Variants in TBC1D22A observed in about 807,000 individuals in gnomAD.
The protein encoded by TBC1D22A is putative GTPase activator.
A neutral mutation model predicts 60.2 loss-of-function variants in TBC1D22A; 38 were observed. That is an observed-to-expected ratio of 0.63 (90% CI 0.49 to 0.83). TBC1D22A has a LOEUF of 0.83. TBC1D22A is among the 40% of genes least tolerant of loss of function. The pLI is 0.00. For synonymous variants in TBC1D22A, 302 were observed against 281.7 expected (o/e 1.07, Z -0.72); for missense variants, 628 against 701.0 (o/e 0.90, Z 1.18).
At chr22:47,093,858 C>G (rs2065073881) in intron 11 of TBC1D22A, among the ~76,000 whole-genome samples, 1 of 152,220 alleles carries the variant, frequency 6.6e-6, no homozygotes, top group Admixed American at 6.5e-5. Flanking sequence ...GGGGTTCTGT[C>G]TGGGTCCTGC....
intron 4 of TBC1D22A, among the ~76,000 whole-genome samples, chr22:46,855,742 G>T (rs1203888026): frequency 6.6e-6 from 1 of 152,168 alleles, no homozygotes; most frequent in South Asian, 2.1e-4. Context: ...CAGCCGGGGG[G>T]GTTGATGGTC....
At chr22:47,146,549 C>T (rs1159501527) in intron 12 of TBC1D22A, among the ~76,000 whole-genome samples, 1 of 152,242 alleles carries the variant, frequency 6.6e-6, no homozygotes, top group African/African-American at 2.4e-5. Flanking sequence ...ACTCAATCTC[C>T]ACCCCAGGCA....
intron 4 of TBC1D22A, among the ~76,000 whole-genome samples, chr22:46,815,079 A>T (rs1361375000): frequency 2.6e-5 from 4 of 152,232 alleles, no homozygotes; most frequent in Non-Finnish European, 5.9e-5. Flanking sequence ...TAGGTGAAAC[A>T]TTTCTGAAGA....
rs188009809 is a variant in TBC1D22A at position 47,162,242 on chromosome 22, G to A, written c.1426-11256G>A. On this transcript the variant is annotated intron_variant, in intron 12 of 12. Transcript: ENST00000337137. ...TAAGGTTTTGTGTATTGAACTTACC[G>A]GTCTTGTATTCCTCCTGGACTGGGA... 6.8e-4 allele frequency among the ~76,000 whole-genome samples: 103 copies of A among 150,368 alleles called. 1 individual carries two copies. Among genetic ancestry groups the A allele is most frequent in the African/African-American group, 2.2e-3 (91 of 40,946 alleles).
At chr22:46,818,854 T>C (rs150589949) in intron 4 of TBC1D22A, among the ~76,000 whole-genome samples, 32 of 151,768 alleles carry the variant, frequency 2.1e-4, no homozygotes, top group Admixed American at 2.1e-3. Flanking sequence ...ATGTTGATTC[T>C]TCCCATTGAT....
chr22:47,025,846 T>G (rs1278270107), intron 10 of TBC1D22A, among the ~76,000 whole-genome samples: 1 of 151,396 alleles, frequency 6.6e-6, no homozygotes, highest in Non-Finnish European at 1.5e-5. Context: ...TAAGAGGGAA[T>G]TGGATAGTAC....
intron 8 of TBC1D22A, among the ~76,000 whole-genome samples, chr22:46,936,764 C>G (rs1357135428): frequency 6.6e-6 from 1 of 152,240 alleles, no homozygotes; most frequent in Non-Finnish European, 1.5e-5. Flanking sequence ...ATTTACCAGG[C>G]TGGCAAGGAG....
intron 4 of TBC1D22A, among the ~76,000 whole-genome samples, chr22:46,860,983 A>ATGT (rs1555914625): frequency 8.8e-6 from 1 of 113,778 alleles, no homozygotes; most frequent in African/African-American, 4.1e-5. Context: ...TAATAAATTA[A>ATGT]TTTTTTTTTA....
At chr22:47,151,411 A>G (rs1455343167) in intron 12 of TBC1D22A, among the ~76,000 whole-genome samples, 2 of 152,200 alleles carry the variant, frequency 1.3e-5, no homozygotes, top group East Asian at 3.9e-4. Context: ...GACTTGAACA[A>G]CTCGGGAAAT....
At chr22:47,170,521 A>T (rs927672581) in intron 12 of TBC1D22A, among the ~76,000 whole-genome samples, 12 of 152,214 alleles carry the variant, frequency 7.9e-5, no homozygotes, top group Admixed American at 2.0e-4. Flanking sequence ...AGGCCCACTG[A>T]AAGTATCCAA....
intron 8 of TBC1D22A, among the ~76,000 whole-genome samples, chr22:46,962,538 C>A (rs1381236362): frequency 6.6e-6 from 1 of 152,002 alleles, no homozygotes; most frequent in Non-Finnish European, 1.5e-5. Context: ...GGATCACATA[C>A]CTTATAGAGA....
intron 11 of TBC1D22A, among the ~76,000 whole-genome samples, chr22:47,066,364 C>T (rs1477813116): frequency 1.3e-5 from 2 of 150,258 alleles, no homozygotes; most frequent in African/African-American, 4.9e-5. Flanking sequence ...CCGGGACGTA[C>T]GTGCGGGACT....
intron 4 of TBC1D22A, among the ~76,000 whole-genome samples, chr22:46,862,503 A>C (rs371637916): frequency 6.6e-6 from 1 of 152,156 alleles, no homozygotes; most frequent in Non-Finnish European, 1.5e-5. Flanking sequence ...AGAGCCTGCA[A>C]CCTTGGTTGA....
chr22:46,985,982 G>A (rs1305198913), intron 9 of TBC1D22A, among the ~76,000 whole-genome samples: 1 of 152,000 alleles, frequency 6.6e-6, no homozygotes, highest in African/African-American at 2.4e-5. Flanking sequence ...ATAGTTTTCT[G>A]TGTCCTGCCT....
intron 11 of TBC1D22A, among the ~76,000 whole-genome samples, chr22:47,050,492 T>C (rs2063173319): frequency 1.3e-5 from 2 of 152,368 alleles, no homozygotes; most frequent in East Asian, 3.9e-4. Flanking sequence ...AACCTTTTAG[T>C]TCACCCATGG....
At chr22:47,064,204 G>A (rs2063681850) in intron 11 of TBC1D22A, among the ~76,000 whole-genome samples, 1 of 152,238 alleles carries the variant, frequency 6.6e-6, no homozygotes, top group South Asian at 2.1e-4. Flanking sequence ...GCCGGCACCC[G>A]TGCTCTCTCT....
rs1026912012 is a variant in TBC1D22A at position 47,009,055 on chromosome 22, T to C, written c.1201+11346T>C. 6.6e-6 allele frequency among the ~76,000 whole-genome samples: 1 copy of C among 152,198 alleles called. No individual in the cohort carries two copies. The highest frequency in any genetic ancestry group is 1.5e-5 in the Non-Finnish European group (1 of 68,026). On this transcript the variant is annotated intron_variant, in intron 10 of 12. Coordinates refer to ENST00000337137, the MANE Select transcript of TBC1D22A (RefSeq NM_014346.5). The surrounding 1 kb of genome is among the most constrained non-coding windows in gnomAD (Gnocchi z 5.8). ...GCTCTGTGGAGTAACAGCTTGGAGTTTGGAAGCTGGCAGAATTGGGTTGAC... is the reference window on the plus strand; with the variant it reads ...GCTCTGTGGAGTAACAGCTTGGAGTCTGGAAGCTGGCAGAATTGGGTTGAC...
In TBC1D22A at chr22:46,773,933, C is replaced by G. The variant is rs981408571; in HGVS notation, c.62+11085C>G. ...AAGCTGGGGTTTGAACCTTAGAAGTCTGTGCCCTTACCCATCACAGCCTCA... is the reference window on the plus strand; with the variant it reads ...AAGCTGGGGTTTGAACCTTAGAAGTGTGTGCCCTTACCCATCACAGCCTCA... On this transcript the variant is annotated intron_variant, in intron 1 of 12. Transcript: ENST00000337137. 5 of 985,396 alleles carry G rather than the reference C, an allele frequency of 5.1e-6. No homozygotes were observed. The African/African-American group carries it at 8.7e-5, about 17-fold the overall frequency. The allele number at this position is 985,396 out of a possible 1,614,324, so 61.0% of individuals were successfully genotyped here. A position where few individuals can be genotyped will look rare whatever the true frequency, so the allele number is the denominator to read the frequency against.
intron 10 of TBC1D22A, among the ~76,000 whole-genome samples, chr22:47,008,836 C>T (rs2061663479): frequency 6.6e-6 from 1 of 152,092 alleles, no homozygotes; most frequent in South Asian, 2.1e-4. Flanking sequence ...ACCTCAGGAA[C>T]AGGCTGACCT....
Sources: allele counts gnomAD v4.1 joint callset (sites outside exome capture counted in the v4.1 genomes callset), GRCh38; gene constraint gnomAD v4.1.1; non-coding constraint Gnocchi (gnomAD v3.1); transcripts MANE v1.5; gene names NCBI Gene and HGNC (gene_info 2026-07-23, HGNC 2026-07-21).